RALA: variants seen among roughly 807,000 people sequenced by gnomAD.
RALA encodes the protein ras-related protein Ral-A.
Under a neutral mutation model 24.0 loss-of-function variants are expected in RALA, and 5 were observed. That is an observed-to-expected ratio of 0.21 (90% CI 0.11 to 0.44). The LOEUF (loss-of-function observed/expected upper bound fraction) is 0.44. RALA is among the 20% of genes least tolerant of loss of function. RALA has a pLI of 0.99. For missense variants in RALA, 95 were observed against 241.2 expected (o/e 0.39, Z 4.01); for synonymous variants, 77 against 83.8 (o/e 0.92, Z 0.44).
Position 39,706,393 on chromosome 7 carries a change from A to G in RALA, c.*148A>G. The G allele has an allele frequency of 1.2e-6, 1 of 823,568 alleles. No homozygotes were observed. The allele number at this position is 823,568 out of a possible 1,614,324, so 51.0% of individuals were successfully genotyped here. A position where few individuals can be genotyped will look rare whatever the true frequency, so the allele number is the denominator to read the frequency against. On this transcript the variant is annotated 3_prime_UTR_variant, in exon 5 of 5. Coordinates refer to ENST00000005257, the MANE Select transcript of RALA (RefSeq NM_005402.4). ...AAGCATGAATTGGAACTGCAATGAA[A>G]GTCAAATTTACTTTAAAAAGAAATT...
intron 1 of RALA, among the ~76,000 whole-genome samples, chr7:39,626,236 C>T (rs1342629522): frequency 9.2e-5 from 14 of 152,184 alleles, no homozygotes; most frequent in Non-Finnish European, 1.9e-4. Flanking sequence ...CTGCCGAGCA[C>T]TGTGATAAGA....
chr7:39,686,185 G>A (rs575951059), intron 1 of RALA, among the ~76,000 whole-genome samples: 6 of 137,654 alleles, frequency 4.4e-5, no homozygotes, highest in Non-Finnish European at 7.6e-5. Context: ...CAGCCTGGGC[G>A]ACAGAGCGAG....
intron 1 of RALA, among the ~76,000 whole-genome samples, chr7:39,634,794 CATTTGTTGCT>C (rs1791658636): frequency 6.6e-6 from 1 of 152,006 alleles, no homozygotes; most frequent in Non-Finnish European, 1.5e-5. Flanking sequence ...TATTTGTTGC[CATTTGTTGCT>C]ATGCTTATTT....
At chr7:39,651,097 T>C (rs1401742468) in intron 1 of RALA, among the ~76,000 whole-genome samples, 1 of 152,226 alleles carries the variant, frequency 6.6e-6, no homozygotes, top group African/African-American at 2.4e-5. Context: ...GTACCATCAT[T>C]ATGTTTTTCA....
At chr7:39,675,084 C>G (rs1792455832) in intron 1 of RALA, among the ~76,000 whole-genome samples, 2 of 152,102 alleles carry the variant, frequency 1.3e-5, no homozygotes, top group South Asian at 4.1e-4. Context: ...CCTTGGCCTC[C>G]CAAAGTGCTG....
intron 1 of RALA, among the ~76,000 whole-genome samples, chr7:39,631,182 A>T (rs1791591896): frequency 1.3e-5 from 2 of 151,206 alleles, no homozygotes. Flanking sequence ...TTATTTTTTT[A>T]TTTTTAGTAG....
Position 39,638,392 on chromosome 7 carries a change from T to G in RALA, c.-38+14567T>G, listed in dbSNP as rs114987320. Among the ~76,000 whole-genome samples, 76 of 152,370 alleles carry G rather than the reference T, an allele frequency of 5.0e-4. No homozygotes were observed. The Middle Eastern group carries it at 0.01, about 21-fold the overall frequency. The stretch of plus-strand genomic sequence containing the variant: ...TGTGGTTTTTGTGTCTGGCTTCTTT[T>G]ACTTAGCATAGTGTCTTTCTGGTTC... On this transcript the variant is annotated intron_variant, in intron 1 of 4. Transcript: ENST00000005257.
At chr7:39,692,794 T>G (rs1792845975) in intron 3 of RALA, among the ~76,000 whole-genome samples, 1 of 152,174 alleles carries the variant, frequency 6.6e-6, no homozygotes, top group Non-Finnish European at 1.5e-5. Context: ...TACACACATA[T>G]GACCAGAGGT....
At chr7:39,630,744 AT>A (rs1345481328) in intron 1 of RALA, among the ~76,000 whole-genome samples, 2 of 152,124 alleles carry the variant, frequency 1.3e-5, no homozygotes, top group African/African-American at 4.8e-5. Flanking sequence ...AGTTGCCCCA[AT>A]GACATTTATT....
intron 1 of RALA, among the ~76,000 whole-genome samples, chr7:39,638,800 GGTT>G (rs1791729499): frequency 6.6e-6 from 1 of 152,146 alleles, no homozygotes; most frequent in African/African-American, 2.4e-5. Flanking sequence ...TCCACTTTTT[GGTT>G]GTTGTGAATA....
chr7:39,639,889 T>C (rs2079314), intron 1 of RALA, among the ~76,000 whole-genome samples: 151,521 of 152,238 alleles, frequency 1, 75,407 homozygotes, highest in Middle Eastern at 1. Flanking sequence ...GAACCTCTTA[T>C]GCACATCTTT....
intron 1 of RALA, among the ~76,000 whole-genome samples, chr7:39,638,340 G>A (rs932640976): frequency 6.6e-6 from 1 of 152,092 alleles, no homozygotes; most frequent in African/African-American, 2.4e-5. Context: ...TGCCCTTTCC[G>A]GATGGTAGAA....
rs74768038 is a variant in RALA at position 39,670,729 on chromosome 7, T to C, written c.-37-15902T>C. 4.6e-3 allele frequency among the ~76,000 whole-genome samples: 705 copies of C among 152,324 alleles called. 24 individuals are homozygous for C. The East Asian group carries it at 0.067, about 14-fold the overall frequency. On this transcript the variant is annotated intron_variant, in intron 1 of 4. Transcript: ENST00000005257. ...AGTCTTTTATTTCCTTTTCCACCTTTCAGGTTCTACCCTGTTACTTATTTC... is the reference window on the plus strand; with the variant it reads ...AGTCTTTTATTTCCTTTTCCACCTTCCAGGTTCTACCCTGTTACTTATTTC...
chr7:39,700,104 C>T (rs142384888), intron 4 of RALA, among the ~76,000 whole-genome samples: 93 of 152,126 alleles, frequency 6.1e-4, no homozygotes, highest in East Asian at 3.5e-3. Flanking sequence ...TACTGAGGTA[C>T]GACTATGTTA....
chr7:39,698,728 G>A (rs890143431), intron 4 of RALA, among the ~76,000 whole-genome samples: 7 of 152,138 alleles, frequency 4.6e-5, no homozygotes, highest in Non-Finnish European at 1.0e-4. Flanking sequence ...AAGATAGAAA[G>A]CTATATTGTA....
intron 1 of RALA, among the ~76,000 whole-genome samples, chr7:39,676,640 C>A (rs1382876380): frequency 1.3e-5 from 2 of 152,138 alleles, no homozygotes; most frequent in Non-Finnish European, 2.9e-5. Flanking sequence ...ATGAGCTTCT[C>A]TATCGAAAAT....
In RALA at chr7:39,651,362, A is replaced by G. The variant is rs1299287205; in HGVS notation, c.-38+27537A>G. The stretch of plus-strand genomic sequence containing the variant: ...TGTCACACAGACCGACCCTGGTACA[A>G]CATAGAAGCCCACATAAGGGCGTGA... On this transcript the variant is annotated intron_variant, in intron 1 of 4. Coordinates refer to ENST00000005257, the MANE Select transcript of RALA (RefSeq NM_005402.4). 3.9e-5 allele frequency among the ~76,000 whole-genome samples: 6 copies of G among 152,228 alleles called. No individual in the cohort carries two copies. The South Asian group carries it at 8.3e-4, about 21-fold the overall frequency.
At chr7:39,702,942 G>T (rs1793054988) in intron 4 of RALA, 2 of 152,204 alleles carry the variant, frequency 1.3e-5, no homozygotes, top group Non-Finnish European at 2.9e-5. Context: ...TACTATTGTA[G>T]ATGACTATAC....
intron 2 of RALA, among the ~76,000 whole-genome samples, chr7:39,687,854 A>G (rs1196232919): frequency 6.6e-6 from 1 of 152,236 alleles, no homozygotes; most frequent in East Asian, 1.9e-4. Flanking sequence ...GTGATCTGTG[A>G]TGAGCAACAA....
Sources: gnomAD v4.1 joint callset for allele counts (sites outside exome capture counted in the v4.1 genomes callset) on GRCh38, gnomAD v4.1.1 for gene constraint, MANE v1.5 for transcripts, NCBI Gene and HGNC (gene_info 2026-07-23, HGNC 2026-07-21) for gene names.